PALS2: variants seen among roughly 807,000 people sequenced by gnomAD.
PALS2 encodes the protein protein PALS2.
In PALS2, 27 loss-of-function variants were observed where a neutral mutation model predicts 61.6. The observed-to-expected ratio is 0.44, with a 90% CI of 0.32 to 0.60. PALS2 has a LOEUF of 0.60. Among genes scored for constraint, PALS2 ranks in the 20% least tolerant of loss-of-function variants. The pLI, the probability that PALS2 is intolerant of heterozygous loss-of-function variation, is 0.05. For missense variants in PALS2, 554 were observed against 639.4 expected, an observed-to-expected ratio of 0.87 and a Z score of 1.44; for synonymous variants, 236 against 218.6, an observed-to-expected ratio of 1.08 and a Z score of -0.70.
intron 8 of PALS2, among the ~76,000 whole-genome samples, chr7:24,668,167 T>A (rs1170468558): frequency 6.6e-6 from 1 of 151,328 alleles, no homozygotes; most frequent in Non-Finnish European, 1.5e-5. Context: ...AAAAAAAAAA[T>A]TAAAAATTAG....
intron 1 of PALS2, among the ~76,000 whole-genome samples, chr7:24,602,838 C>T (rs937603922): frequency 5.9e-5 from 9 of 152,088 alleles, no homozygotes; most frequent in Non-Finnish European, 1.0e-4. Flanking sequence ...GTAATTGAAT[C>T]ATGAGGGTGG....
chr7:24,659,125 T>A (rs1786583259), intron 5 of PALS2, among the ~76,000 whole-genome samples: 1 of 152,200 alleles, frequency 6.6e-6, no homozygotes, highest in African/African-American at 2.4e-5. Context: ...TGTTCCTGCA[T>A]TAATTGGCTT....
At chr7:24,635,576 C>T (rs1348054749) in intron 2 of PALS2, among the ~76,000 whole-genome samples, 1 of 152,038 alleles carries the variant, frequency 6.6e-6, no homozygotes, top group East Asian at 1.9e-4. Context: ...ACCTCCAGTA[C>T]AAATGTTAAA....
At chr7:24,680,252 A>G in intron 10 of PALS2, 140 bp from the exon 11 acceptor site, 1 of 743,530 alleles carries the variant, frequency 1.3e-6, no homozygotes, top group Non-Finnish European at 2.0e-6. Context: ...TGGAATGAGA[A>G]GGACAGAACA....
chr7:24,609,607 C>T (rs986041093), intron 1 of PALS2, among the ~76,000 whole-genome samples: 1 of 152,038 alleles, frequency 6.6e-6, no homozygotes, highest in Non-Finnish European at 1.5e-5. Flanking sequence ...TTGAAAAACC[C>T]TGCTTTAGTG....
chr7:24,687,363 T>G lies in PALS2; in HGVS notation c.1447-75T>G. On this transcript the variant is annotated intron_variant, in intron 11 of 11. Transcript: ENST00000222644. This position sits in a 1 kb window ranked among gnomAD's most constrained non-coding sequence, Gnocchi z 4.5. ...AAATATATCTAACCTATTTATTATA[T>G]TCACTTCTAGTTGGAGTTTGAGCAA... The G allele has an allele frequency of 9.0e-7, 1 of 1,107,722 alleles. No individual in the cohort carries two copies. Among genetic ancestry groups the G allele is most frequent in the Non-Finnish European group, 1.3e-6 (1 of 753,580 alleles). The allele number at this position is 1,107,722 out of a possible 1,614,324, so 68.6% of individuals were successfully genotyped here. A position where few individuals can be genotyped will look rare whatever the true frequency, so the allele number is the denominator to read the frequency against.
chr7:24,622,125 T>A (rs1784545507), intron 1 of PALS2, among the ~76,000 whole-genome samples: 1 of 152,040 alleles, frequency 6.6e-6, no homozygotes, highest in Non-Finnish European at 1.5e-5. Flanking sequence ...TTGTTGTTCT[T>A]TTTGAAGACT....
rs755844523 is a variant in PALS2 at position 24,641,721 on chromosome 7, T to C, written c.123T>C (p.His41=). The C allele has an allele frequency of 5.0e-6, 8 of 1,604,006 alleles. No individual in the cohort carries two copies. Among genetic ancestry groups the C allele is most frequent in the South Asian group, 4.5e-5 (4 of 88,894 alleles). ...ATATACTCTTATTTTTTCAGGCTCA[T>C]GAGAGGCTAGAAGATTCCAAACTAG... ...NPIVKSLAKA[H]ERLEDSKLEA... The change falls in exon 3 of 12, where the codon CAT becomes CAC. Residue 41 remains histidine, a synonymous_variant. Transcript: ENST00000222644.
chr7:24,575,177 TG>T (rs1040749844), intron 1 of PALS2, among the ~76,000 whole-genome samples: 15 of 152,206 alleles, frequency 9.9e-5, no homozygotes, highest in Admixed American at 7.2e-4. Context: ...TTTTGTCCTA[TG>T]GAGACTGCAC....
intron 2 of PALS2, among the ~76,000 whole-genome samples, chr7:24,629,515 A>G (rs1049181611): frequency 1.3e-5 from 2 of 152,148 alleles, no homozygotes; most frequent in African/African-American, 2.4e-5. Flanking sequence ...CTTCTGCACA[A>G]CAAAAGAAAC....
intron 9 of PALS2, among the ~76,000 whole-genome samples, chr7:24,675,142 A>G (rs1787496354): frequency 1.3e-5 from 2 of 152,176 alleles, no homozygotes. Context: ...CTTGTAAACT[A>G]AAGAACATTT....
At chr7:24,658,986 A>G (rs1023105361) in intron 5 of PALS2, among the ~76,000 whole-genome samples, 11 of 152,148 alleles carry the variant, frequency 7.2e-5, no homozygotes, top group African/African-American at 2.7e-4. Flanking sequence ...GTAGTTTTTC[A>G]GTCCTCACCC....
intron 5 of PALS2, among the ~76,000 whole-genome samples, chr7:24,656,586 A>G (rs907950891): frequency 6.6e-6 from 1 of 152,074 alleles, no homozygotes; most frequent in Non-Finnish European, 1.5e-5. Flanking sequence ...CAGTGACATG[A>G]TCACAGCTCA....
chr7:24,597,822 A>C (rs145068968), intron 1 of PALS2, among the ~76,000 whole-genome samples: 1 of 152,126 alleles, frequency 6.6e-6, no homozygotes, highest in Admixed American at 6.6e-5. Context: ...TCTTCTGACA[A>C]AGTAGTCTTT....
rs71554003 is a variant in PALS2, at chr7:24,595,559, C to CTATATATAAA, written c.-3+21995_-3+22004dup. Reference sequence around the variant, plus strand: ...TATATAATATATAAATATATATTAACTATATATAAATATATATAAATATAT... The same window carrying CTATATATAAA: ...TATATAATATATAAATATATATTAACTATATATAAATATATATAAATATATATAAATATAT... On this transcript the variant is annotated intron_variant, in intron 1 of 11. Transcript: ENST00000222644. Among the ~76,000 whole-genome samples the CTATATATAAA allele has an allele frequency of 3.7e-4, 43 of 116,472 alleles. 2 individuals carry two copies. In the South Asian group the frequency reaches 4.5e-3, roughly 12 times the overall value. The allele number at this position is 116,472 out of a possible 152,430, so 76.4% of individuals were successfully genotyped here.
chr7:24,658,089 T>G (rs1218129961), intron 5 of PALS2, among the ~76,000 whole-genome samples: 1 of 152,206 alleles, frequency 6.6e-6, no homozygotes, highest in Non-Finnish European at 1.5e-5. Context: ...GTCCCATGGG[T>G]CACTGATTAG....
At chr7:24,668,446 T>C in intron 8 of PALS2, 53 bp from the exon 9 acceptor site, 1 of 1,494,540 alleles carries the variant, frequency 6.7e-7, no homozygotes, top group East Asian at 2.3e-5. Context: ...TGCAGAGATT[T>C]CTTTCATGTA....
chr7:24,607,591 A>G (rs1783957694), intron 1 of PALS2, among the ~76,000 whole-genome samples: 1 of 130,780 alleles, frequency 7.6e-6, no homozygotes, highest in Non-Finnish European at 1.7e-5. Context: ...ATATATACAT[A>G]TATGTGTGTG....
intron 1 of PALS2, among the ~76,000 whole-genome samples, chr7:24,598,166 A>G (rs1391615210): frequency 1.3e-5 from 2 of 152,196 alleles, no homozygotes; most frequent in Non-Finnish European, 2.9e-5. Context: ...ATGCTGTTTT[A>G]TCAAACCAAA....
Sources: allele counts gnomAD v4.1 joint callset (sites outside exome capture counted in the v4.1 genomes callset), GRCh38; gene constraint gnomAD v4.1.1; non-coding constraint Gnocchi (gnomAD v3.1); transcripts MANE v1.5; gene names NCBI Gene and HGNC (gene_info 2026-07-23, HGNC 2026-07-21).